NBPF20: variants seen among roughly 807,000 people sequenced by gnomAD.
NBPF20 encodes the protein NBPF family member NBPF20.
NBPF20 carries 90 observed loss-of-function variants against 68.1 expected under a neutral mutation model. The observed-to-expected ratio is 1.32, with a 90% CI of 1.11 to 1.58. The LOEUF (loss-of-function observed/expected upper bound fraction) is 1.58. Among genes scored for constraint, NBPF20 ranks in the 40% most tolerant of loss-of-function variants. The pLI is 0.00. For missense variants in NBPF20, 816 were observed against 601.2 expected (o/e 1.36, Z -3.74); for synonymous variants, 290 against 228.1 (o/e 1.27, Z -2.45).
intron 3 of NBPF20, 147 bp downstream of exon 8, chr1:145,403,069 T>G: frequency 1.1e-6 from 1 of 894,410 alleles, no homozygotes; most frequent in South Asian, 1.4e-5. Context: ...CTTCTCTGTT[T>G]GATAAATATT....
At chr1:145,421,199 C>T in the NBPF20 span, among the ~76,000 whole-genome samples, 37 of 151,970 alleles carry the variant, frequency 2.4e-4, no homozygotes, top group South Asian at 4.2e-4. Flanking sequence ...AACAAGAATT[C>T]GATTCTTTCT....
chr1:145,292,263 C>G lies in NBPF20; in HGVS notation c.16697+118G>C, dbSNP rs1231876217. On this transcript the variant is annotated intron_variant, in intron 137 of 137. Transcript: ENST00000369373. ...CTGCAATGAAAACCAACAGCAATGA[C>G]AGTAGGAGTAATTCAGCCTTCGTTG... 2.1e-5 allele frequency: 13 copies of G among 617,416 alleles called. 1 individual carries two copies. The highest frequency in any genetic ancestry group is 1.0e-4 in the African/African-American group (5 of 49,620). 38.2% of individuals were successfully genotyped at this position (617,416 alleles called of 1,614,324 possible). A position where few individuals can be genotyped will look rare whatever the true frequency, so the allele number is the denominator to read the frequency against.
At position 145,405,411 on chromosome 1, in the gene NBPF20, G is replaced by A. The variant is rs587769248; in HGVS notation, c.-37C>T. ...CAGTAACTGAAATTCTTACCTTACT[G>A]TTGTGAAAAATGTGATCACTCCCCA... On this transcript the variant is annotated splice_region_variant and 5_prime_UTR_variant, in exon 1 of 138. Transcript: ENST00000369373. 8.7e-4 allele frequency: 1,361 copies of A among 1,568,810 alleles called. 1 individual carries two copies. Among genetic ancestry groups the A allele is most frequent in the Admixed American group, 1.1e-3 (61 of 54,118 alleles).
intron 137 of NBPF20, 85 bp downstream of exon 142, chr1:145,292,296 G>A (rs1661171142): frequency 3.3e-6 from 2 of 614,250 alleles, no homozygotes; most frequent in Non-Finnish European, 5.7e-6. Flanking sequence ...TTGAAAACAT[G>A]ACATCAAACA....
chr1:145,410,799 T>TATAC, the NBPF20 span, among the ~76,000 whole-genome samples: 1 of 81,406 alleles, frequency 1.2e-5, no homozygotes, highest in African/African-American at 4.7e-5. Flanking sequence ...TATATATACG[T>TATAC]ATATGTATAT....
upstream of NBPF20, among the ~76,000 whole-genome samples, chr1:145,409,118 G>T (rs1388431823): frequency 2.0e-5 from 3 of 149,120 alleles, no homozygotes; most frequent in East Asian, 2.0e-4. Flanking sequence ...CTTCAGGTCC[G>T]TTTGCATTTT....
rs1320522679 is a variant in NBPF20 at position 145,393,270 on chromosome 1, G to A, written c.1044-24C>T. ...GCCTGGAAAAGTGGGAAAAAGTAAA[G>A]AATAAGCCAGGGGGAATCAGAAACC... On this transcript the variant is annotated intron_variant, in intron 9 of 137. Coordinates refer to ENST00000369373, the Ensembl canonical transcript of NBPF20. 2.0e-4 allele frequency: 128 copies of A among 656,164 alleles called. 1 individual carries two copies. The East Asian group carries it at 3.2e-3, about 16-fold the overall frequency. 40.6% of individuals were successfully genotyped at this position (656,164 alleles called of 1,614,324 possible).
chr1:145,423,611 A>G, the NBPF20 span, among the ~76,000 whole-genome samples: 1 of 152,200 alleles, frequency 6.6e-6, no homozygotes, highest in Non-Finnish European at 1.5e-5. Flanking sequence ...CATATCAATG[A>G]AAACTGGATA....
At chr1:145,409,826 G>C (rs1662936915), upstream of NBPF20, among the ~76,000 whole-genome samples, 1 of 151,764 alleles carries the variant, frequency 6.6e-6, no homozygotes, top group South Asian at 2.1e-4. Context: ...TACACATATA[G>C]CTTAGAAGGT....
At chr1:145,414,983 C>T in the NBPF20 span, among the ~76,000 whole-genome samples, 1 of 152,030 alleles carries the variant, frequency 6.6e-6, no homozygotes, top group Non-Finnish European at 1.5e-5. Flanking sequence ...AAAAATGGGC[C>T]CAGGGGACCG....
At chr1:145,425,495 C>A in the NBPF20 span, among the ~76,000 whole-genome samples, 1 of 152,234 alleles carries the variant, frequency 6.6e-6, no homozygotes, top group African/African-American at 2.4e-5. Flanking sequence ...CAGAAGCTCA[C>A]GCAGCCTCGC....
chr1:145,352,326 C>A (rs1416694465), intron 61 of NBPF20, among the ~76,000 whole-genome samples: 1 of 90,928 alleles, frequency 1.1e-5, no homozygotes, highest in South Asian at 4.3e-4. Flanking sequence ...CACACACACA[C>A]ACAGACACAC....
At chr1:145,352,346 CAG>C (rs1323512924) in intron 61 of NBPF20, among the ~76,000 whole-genome samples, 1 of 79,300 alleles carries the variant, frequency 1.3e-5, no homozygotes, top group African/African-American at 4.8e-5. Context: ...CACACACACA[CAG>C]AGAGAACGAG....
exon 2 of NBPF20, chr1:145,405,271 A>G (rs781992242): frequency 6.8e-6 from 11 of 1,607,972 alleles, no homozygotes; most frequent in Non-Finnish European, 9.3e-6. Context: ...TGATACCACC[A>G]TGCTGACGTT....
At chr1:145,407,623 G>A (rs1199265749), upstream of NBPF20, 11 of 149,880 alleles carry the variant, frequency 7.3e-5, no homozygotes, top group Non-Finnish European at 1.0e-4. Context: ...GTGGCGGAGC[G>A]AGGGCTACTG....
At chr1:145,410,317 C>CTT (rs782521148), upstream of NBPF20, among the ~76,000 whole-genome samples, 12 of 142,296 alleles carry the variant, frequency 8.4e-5, no homozygotes, top group African/African-American at 1.5e-4. Flanking sequence ...CATGTATCTT[C>CTT]TTTTTTTTTT....
exon 138 of NBPF20, chr1:145,291,551 T>A (rs781907982): frequency 6.2e-7 from 1 of 1,612,042 alleles, no homozygotes; most frequent in Non-Finnish European, 8.5e-7. Context: ...GACTCCCATC[T>A]GGAACACCAG....
intron 10 of NBPF20, 130 bp downstream of exon 15, chr1:145,392,944 C>G (rs1250874043): frequency 5.7e-6 from 2 of 352,438 alleles, no homozygotes; most frequent in African/African-American, 6.2e-5. Context: ...TTCATTCAAC[C>G]TACATGTGCC....
the NBPF20 span, among the ~76,000 whole-genome samples, chr1:145,410,813 T>C: frequency 2.0e-5 from 1 of 49,556 alleles, no homozygotes; most frequent in Admixed American, 2.2e-4. Flanking sequence ...TGTATATATA[T>C]ACGTATATAT....
Sources: allele counts gnomAD v4.1 joint callset (sites outside exome capture counted in the v4.1 genomes callset), GRCh38; gene constraint gnomAD v4.1.1; transcripts MANE v1.5; gene names NCBI Gene and HGNC (gene_info 2026-07-23, HGNC 2026-07-21).